Variants in PLCB4 observed in about 807,000 individuals in gnomAD.
PLCB4 encodes 1-phosphatidylinositol 4,5-bisphosphate phosphodiesterase beta-4.
A neutral mutation model predicts 178.8 loss-of-function variants in PLCB4; 77 were observed. The ratio of observed to expected loss-of-function variants is 0.43; its 90% CI spans 0.36 to 0.52. The LOEUF is 0.52. PLCB4 is among the 20% of genes least tolerant of loss of function. The pLI, the probability that PLCB4 is intolerant of heterozygous loss-of-function variation, is 0.00. For synonymous variants in PLCB4, 496 were observed against 490.8 expected (o/e 1.01, Z -0.14); for missense variants, 1,024 against 1,453.4 (o/e 0.70, Z 4.80).
chr20:9,167,826 A>G (rs1327892931), intron 2 of PLCB4, among the ~76,000 whole-genome samples: 1 of 152,240 alleles, frequency 6.6e-6, no homozygotes, highest in African/African-American at 2.4e-5. Context: ...CCTTAAACAC[A>G]TGTAGTTATG....
intron 19 of PLCB4, among the ~76,000 whole-genome samples, chr20:9,397,314 AT>A (rs2038671450): frequency 1.3e-5 from 2 of 152,146 alleles, no homozygotes; most frequent in African/African-American, 2.4e-5. Context: ...TCCTTTTCAA[AT>A]TCTAGTTCTC....
intron 2 of PLCB4, among the ~76,000 whole-genome samples, chr20:9,106,947 A>C (rs2091387316): frequency 6.6e-6 from 1 of 152,176 alleles, no homozygotes; most frequent in South Asian, 2.1e-4. Flanking sequence ...CAGACTGTGG[A>C]ATACTATGCG....
At chr20:9,089,076 T>A (rs1214834686) in intron 1 of PLCB4, among the ~76,000 whole-genome samples, 1 of 151,896 alleles carries the variant, frequency 6.6e-6, no homozygotes, top group Non-Finnish European at 1.5e-5. Context: ...TCCCCTAATT[T>A]TTGGAGCAGA....
chr20:9,171,027 G>A (rs773986784), intron 2 of PLCB4, among the ~76,000 whole-genome samples: 3 of 152,120 alleles, frequency 2.0e-5, no homozygotes, highest in Non-Finnish European at 4.4e-5. Flanking sequence ...CCCATTTTTG[G>A]TTTGCTCCTT....
intron 3 of PLCB4, among the ~76,000 whole-genome samples, chr20:9,302,930 G>A (rs942267419): frequency 6.6e-6 from 1 of 151,796 alleles, no homozygotes; most frequent in Non-Finnish European, 1.5e-5. Flanking sequence ...TGAAACCAAA[G>A]GGATGAATTA....
chr20:9,404,905 A>C (rs1015154149), intron 20 of PLCB4, among the ~76,000 whole-genome samples: 8 of 152,138 alleles, frequency 5.3e-5, no homozygotes, highest in Non-Finnish European at 7.4e-5. Context: ...ATGCCATCAC[A>C]TGAGAATTAA....
Position 9,222,535 on chromosome 20 carries a change from C to T in PLCB4, c.-16+5083C>T, listed in dbSNP as rs1024576709. Among the ~76,000 whole-genome samples the T allele has an allele frequency of 3.3e-5, 5 of 151,992 alleles. 1 individual carries two copies. The South Asian group carries it at 8.3e-4, about 25-fold the overall frequency. ...TTTTCTTGTAGCTTCATTAAGACAG[C>T]GAAAAGAAAGAGGTTACAGCAGCCT... is the stretch of plus-strand genomic sequence containing the variant. On this transcript the variant is annotated intron_variant, in intron 3 of 39. Coordinates refer to ENST00000378473, the MANE Select transcript of PLCB4 (RefSeq NM_001377142.1).
At chr20:9,233,678 TA>T (rs1334006856) in intron 3 of PLCB4, among the ~76,000 whole-genome samples, 1 of 152,116 alleles carries the variant, frequency 6.6e-6, no homozygotes, top group African/African-American at 2.4e-5. Flanking sequence ...AGTTTGCTTG[TA>T]AATAAGGTTG....
At position 9,419,707 on chromosome 20, in the gene PLCB4, T is replaced by G; in HGVS notation, c.2052-100T>G. 3.8e-6 allele frequency: 3 copies of G among 797,634 alleles called. 1 individual carries two copies. The South Asian group carries it at 4.3e-5, about 12-fold the overall frequency. The allele number at this position is 797,634 out of a possible 1,614,324, so 49.4% of individuals were successfully genotyped here. On this transcript the variant is annotated intron_variant, in intron 25 of 39. Coordinates refer to ENST00000378473, the MANE Select transcript of PLCB4 (RefSeq NM_001377142.1). ...CCTCTGCCTAAAATCCTAGCTCCTG[T>G]GTTACAGATGGAGAAAAGGAAGCAT...
intron 3 of PLCB4, among the ~76,000 whole-genome samples, chr20:9,251,195 T>G (rs2094176497): frequency 6.6e-6 from 1 of 152,192 alleles, no homozygotes; most frequent in South Asian, 2.1e-4. Context: ...CCTGGTTTTG[T>G]TAGGAGAGCT....
At chr20:9,241,196 T>C (rs548771725) in intron 3 of PLCB4, among the ~76,000 whole-genome samples, 33 of 152,288 alleles carry the variant, frequency 2.2e-4, no homozygotes, top group Non-Finnish European at 4.0e-4. Flanking sequence ...TCTGATTTCT[T>C]TGTTACCAGT....
At chr20:9,471,842 G>A (rs898167129) in intron 36 of PLCB4, among the ~76,000 whole-genome samples, 12 of 152,158 alleles carry the variant, frequency 7.9e-5, no homozygotes, top group Non-Finnish European at 1.3e-4. Context: ...GAGCCTGTTC[G>A]TACCCTGCCA....
chr20:9,416,917 T>A (rs1410250104), intron 25 of PLCB4, among the ~76,000 whole-genome samples: 2 of 152,180 alleles, frequency 1.3e-5, no homozygotes, highest in Non-Finnish European at 2.9e-5. Flanking sequence ...TAACAATGAA[T>A]GGTGACTTTT....
At chr20:9,403,025 GATAA>G (rs1568747014) in intron 20 of PLCB4, among the ~76,000 whole-genome samples, 1 of 152,140 alleles carries the variant, frequency 6.6e-6, no homozygotes, top group African/African-American at 2.4e-5. Context: ...AAGTGAAGAC[GATAA>G]CACCTATTTC....
At chr20:9,320,906 A>G (rs1262261543) in intron 4 of PLCB4, among the ~76,000 whole-genome samples, 1 of 152,174 alleles carries the variant, frequency 6.6e-6, no homozygotes, top group African/African-American at 2.4e-5. Flanking sequence ...TCTGTGTTTT[A>G]AGAGCCCTCT....
chr20:9,441,657 G>A (rs905928786), intron 30 of PLCB4, among the ~76,000 whole-genome samples: 4 of 152,206 alleles, frequency 2.6e-5, no homozygotes, highest in African/African-American at 9.6e-5. Context: ...CTCTTAGAGG[G>A]ATGAGGGAGC....
intron 14 of PLCB4, among the ~76,000 whole-genome samples, chr20:9,386,475 A>G (rs1417691639): frequency 2.6e-5 from 4 of 151,952 alleles, no homozygotes; most frequent in Non-Finnish European, 5.9e-5. Context: ...ATTAAACAAT[A>G]CTTTATTTTT....
chr20:9,180,005 T>TAA (rs2093219361), intron 2 of PLCB4, among the ~76,000 whole-genome samples: 1 of 152,220 alleles, frequency 6.6e-6, no homozygotes, highest in Non-Finnish European at 1.5e-5. Flanking sequence ...TAGAATTCAC[T>TAA]ATAAAACACA....
chr20:9,179,970 C>G (rs1339442473), intron 2 of PLCB4, among the ~76,000 whole-genome samples: 1 of 152,214 alleles, frequency 6.6e-6, no homozygotes. Flanking sequence ...GAACCACCTA[C>G]AAGAATTATT....
Sources: allele counts gnomAD v4.1 joint callset (sites outside exome capture counted in the v4.1 genomes callset), GRCh38; gene constraint gnomAD v4.1.1; transcripts MANE v1.5; gene names NCBI Gene and HGNC (gene_info 2026-07-23, HGNC 2026-07-21).